ALMS1: variants seen among roughly 807,000 people sequenced by gnomAD.
ALMS1 encodes the protein ALMS1 centrosome and basal body associated protein.
ALMS1 carries 271 observed loss-of-function variants against 352.2 expected under a neutral mutation model. The observed-to-expected ratio is 0.77, with a 90% CI of 0.70 to 0.85. ALMS1 has a LOEUF of 0.85. ALMS1 is among the 40% of genes least tolerant of loss of function. The pLI, the probability that ALMS1 is intolerant of heterozygous loss-of-function variation, is 0.00. For synonymous variants in ALMS1, 1,865 were observed against 1,761.2 expected (o/e 1.06, Z -1.48); for missense variants, 5,445 against 4,870.7 (o/e 1.12, Z -3.51).
chr2:73,534,238 G>A (rs1673981035), intron 11 of ALMS1, among the ~76,000 whole-genome samples: 1 of 152,008 alleles, frequency 6.6e-6, no homozygotes, highest in Non-Finnish European at 1.5e-5. Flanking sequence ...TTGAGTGGTA[G>A]GACCTTGTAA....
chr2:73,517,839 G>A (rs540304917), intron 10 of ALMS1, among the ~76,000 whole-genome samples: 4 of 151,850 alleles, frequency 2.6e-5, no homozygotes, highest in Admixed American at 2.6e-4. Context: ...TGTATTATTA[G>A]TAGAGATGGG....
intron 10 of ALMS1, among the ~76,000 whole-genome samples, chr2:73,517,263 T>TTTTTTTTTTTTTC (rs1159138297): frequency 6.8e-6 from 1 of 147,768 alleles, no homozygotes; most frequent in African/African-American, 2.6e-5. Context: ...TTTTTTTTTT[T>TTTTTTTTTTTTTC]CTTATAGAGA....
In ALMS1 at chr2:73,572,447, G is replaced by A. The variant is rs555485864; in HGVS notation, c.10570G>A (p.Glu3524Lys). 1.2e-6 allele frequency: 2 copies of A among 1,613,900 alleles called. No individual in the cohort carries two copies. The highest frequency in any genetic ancestry group is 2.2e-5 in the South Asian group (2 of 91,020). ...FFQHHPDKHR[E>K]HMCLPLPYQN... Reference sequence around the variant, plus strand: ...TCAGCATCATCCAGACAAACATAGAGAACACATGTGTCTTCCTCTTCCTTA... The same window carrying A: ...TCAGCATCATCCAGACAAACATAGAAAACACATGTGTCTTCCTCTTCCTTA... Residue 3524 changes from glutamate to lysine, a missense_variant, in exon 16 of 23, where the codon GAA becomes AAA. Coordinates refer to ENST00000613296, the MANE Select transcript of ALMS1 (RefSeq NM_001378454.1).
At chr2:73,577,119 A>G (rs909838518) in intron 16 of ALMS1, among the ~76,000 whole-genome samples, 3 of 152,152 alleles carry the variant, frequency 2.0e-5, no homozygotes, top group African/African-American at 7.2e-5. Flanking sequence ...TTTCTTTGTG[A>G]TATCTTTACT....
intron 16 of ALMS1, among the ~76,000 whole-genome samples, chr2:73,580,265 C>T (rs1475440946): frequency 1.3e-5 from 2 of 152,146 alleles, no homozygotes; most frequent in African/African-American, 2.4e-5. Flanking sequence ...CTTTCTGTCC[C>T]TCAGAGTACG....
intron 7 of ALMS1, among the ~76,000 whole-genome samples, chr2:73,436,213 C>T (rs116577452): frequency 0.01 from 1,548 of 152,300 alleles, 36 homozygotes; most frequent in African/African-American, 0.035. Context: ...TCTTCACTAT[C>T]TTCTGGCCTT....
rs117371862 is a variant in ALMS1 at position 73,433,589 on chromosome 2, A to G, written c.1432+1298A>G. Among the ~76,000 whole-genome samples the G allele has an allele frequency of 9.1e-4, 139 of 152,282 alleles. 1 individual carries two copies. In the East Asian group the frequency reaches 0.025, roughly 27 times the overall value. ...ATTGGATGGTAGAAATTGAATAAAA[A>G]TTACTGGAGTAAATAAAATTTTGGG... On this transcript the variant is annotated intron_variant, in intron 7 of 22. Transcript: ENST00000613296.
chr2:73,447,718 A>G (rs1671834508), intron 7 of ALMS1, among the ~76,000 whole-genome samples: 1 of 152,156 alleles, frequency 6.6e-6, no homozygotes, highest in Non-Finnish European at 1.5e-5. Flanking sequence ...GATCCATATA[A>G]TATTTCATCC....
intron 21 of ALMS1, chr2:73,603,544 A>G: frequency 4.1e-6 from 2 of 493,380 alleles, no homozygotes; most frequent in Middle Eastern, 4.2e-4. Context: ...GCTCCTCTTT[A>G]TTAGAAACCT....
Position 73,451,653 on chromosome 2 carries a change from C to T in ALMS1, c.5126C>T (p.Ser1709Phe). Residue 1709 changes from serine to phenylalanine, a missense_variant, in exon 8 of 23, where the codon TCT becomes TTT. By Grantham distance (155) the Ser-to-Phe change is radical (BLOSUM62 -2). Coordinates refer to ENST00000613296, the MANE Select transcript of ALMS1 (RefSeq NM_001378454.1). Reference protein sequence around the residue: ...AQKTETPSVSSSLYSYREKPI... With the variant: ...AQKTETPSVSFSLYSYREKPI... ...AAGACTGAGACACCATCAGTATCCT[C>T]TAGTTTATACTCATATAGAGAGAAG... is the stretch of plus-strand genomic sequence containing the variant. 6.2e-7 allele frequency: 1 copy of T among 1,614,030 alleles called. No homozygotes were observed. The highest frequency in any genetic ancestry group is 8.5e-7 in the Non-Finnish European group (1 of 1,179,984).
chr2:73,565,438 T>C (rs1248550149), intron 15 of ALMS1, among the ~76,000 whole-genome samples: 3 of 152,090 alleles, frequency 2.0e-5, no homozygotes, highest in Non-Finnish European at 1.5e-5. Context: ...CTGATAAAAG[T>C]AAATGATTTA....
At chr2:73,555,724 G>A (rs1674527056) in intron 13 of ALMS1, among the ~76,000 whole-genome samples, 1 of 152,166 alleles carries the variant, frequency 6.6e-6, no homozygotes, top group South Asian at 2.1e-4. Context: ...TCACAGGAAT[G>A]TTCATTGCAG....
chr2:73,572,489 A>C lies in ALMS1; in HGVS notation c.10612A>C (p.Thr3538Pro). 1 of 1,614,010 alleles carries C rather than the reference A, an allele frequency of 6.2e-7. No homozygotes were observed. Among genetic ancestry groups the C allele is most frequent in the Non-Finnish European group, 8.5e-7 (1 of 1,179,994 alleles). ...TCTTCCTTATCAAAACATGGACAAG[A>C]CTAAGACAGATTATACCAGAATAAA... is the stretch of plus-strand genomic sequence containing the variant. ...LPLPYQNMDK[T>P]KTDYTRIKSL... The change falls in exon 16 of 23, where the codon ACT (threonine) becomes CCT (proline). Residue 3538 changes from threonine (T) to proline (P), a missense_variant. Coordinates refer to ENST00000613296, the MANE Select transcript of ALMS1 (RefSeq NM_001378454.1).
chr2:73,391,720 A>C (rs1219671843), intron 1 of ALMS1, among the ~76,000 whole-genome samples: 1 of 152,074 alleles, frequency 6.6e-6, no homozygotes, highest in Non-Finnish European at 1.5e-5. Flanking sequence ...AATGGTTTTA[A>C]ATGTTTTTCT....
intron 16 of ALMS1, among the ~76,000 whole-genome samples, chr2:73,586,693 G>A (rs7609249): frequency 0.44 from 66,824 of 151,846 alleles, 16,210 homozygotes; most frequent in African/African-American, 0.66. Flanking sequence ...AGGCCTCCAG[G>A]TTTGTTCTTT....
Position 73,451,852 on chromosome 2 carries a change from T to A in ALMS1, c.5325T>A (p.Asp1775Glu), listed in dbSNP as rs757500170. 1.2e-6 allele frequency: 2 copies of A among 1,612,872 alleles called. No homozygotes were observed. Among genetic ancestry groups the A allele is most frequent in the African/African-American group, 2.7e-5 (2 of 74,636 alleles). The change falls in exon 8 of 23, where the codon GAT (aspartate) becomes GAA (glutamate). Residue 1775 changes from aspartate to glutamate, a missense_variant. By Grantham distance (45) the Asp-to-Glu change is conservative. Coordinates refer to ENST00000613296, the MANE Select transcript of ALMS1 (RefSeq NM_001378454.1). ...PNISYQQELP[D>E]SHLTEEALKV... ...TTTCTTACCAGCAAGAGTTGCCAGATAGTCATCTAACTGAAGAGGCTCTGA... is the reference window on the plus strand; with the variant it reads ...TTTCTTACCAGCAAGAGTTGCCAGAAAGTCATCTAACTGAAGAGGCTCTGA...
chr2:73,404,045 G>A (rs567792614), intron 1 of ALMS1, among the ~76,000 whole-genome samples: 16 of 152,138 alleles, frequency 1.1e-4, no homozygotes, highest in South Asian at 4.1e-4. Context: ...GACTACAGGC[G>A]CGCTGCCACA....
At chr2:73,581,372 A>G (rs571355005) in intron 16 of ALMS1, among the ~76,000 whole-genome samples, 38 of 152,322 alleles carry the variant, frequency 2.5e-4, no homozygotes, top group African/African-American at 8.7e-4. Context: ...AACAAACACA[A>G]TTCCTTGGGA....
rs771481456 is a variant in ALMS1, at chr2:73,491,144, G to A, written c.9185G>A (p.Gly3062Glu). 7 of 1,614,126 alleles carry A rather than the reference G, an allele frequency of 4.3e-6. No individual in the cohort carries two copies. The highest frequency in any genetic ancestry group is 1.6e-4 in the Middle Eastern group (1 of 6,062). ...AAGACTTCTTCCAAGTTGGATAGTGGAACTTTAGATGAAAGATTCCATTCA... is the reference window on the plus strand; with the variant it reads ...AAGACTTCTTCCAAGTTGGATAGTGAAACTTTAGATGAAAGATTCCATTCA... ...CPKTSSKLDS[G>E]TLDERFHSLD... Residue 3062 changes from glycine (G) to glutamate (E), a missense_variant, in exon 10 of 23, where the codon GGA becomes GAA. Coordinates refer to ENST00000613296, the MANE Select transcript of ALMS1 (RefSeq NM_001378454.1).
Sources: gnomAD v4.1 joint callset for allele counts (sites outside exome capture counted in the v4.1 genomes callset) on GRCh38, gnomAD v4.1.1 for gene constraint, MANE v1.5 for transcripts, NCBI Gene and HGNC (gene_info 2026-07-23, HGNC 2026-07-21) for gene names.